Variants in AGK observed in about 807,000 individuals in gnomAD.
AGK encodes acylglycerol kinase.
A neutral mutation model predicts 66.4 loss-of-function variants in AGK; 52 were observed. The ratio of observed to expected loss-of-function variants is 0.78; its 90% CI spans 0.63 to 0.99. The LOEUF (loss-of-function observed/expected upper bound fraction) is 0.99, where lower values mean the gene tolerates loss of function less well. AGK is among the 50% of genes least tolerant of loss of function. AGK has a pLI of 0.00. For missense variants in AGK, 451 were observed against 506.6 expected, an observed-to-expected ratio of 0.89 and a Z score of 1.05; for synonymous variants, 182 against 181.1, an observed-to-expected ratio of 1.00 and a Z score of -0.04.
intron 9 of AGK, among the ~76,000 whole-genome samples, chr7:141,633,519 A>G (rs1797103043): frequency 6.6e-6 from 1 of 152,210 alleles, no homozygotes; most frequent in African/African-American, 2.4e-5. Flanking sequence ...TCTTGATCCT[A>G]TAAGGAAAAT....
chr7:141,562,009 T>C (rs765240703), intron 2 of AGK: 18 of 455,860 alleles, frequency 3.9e-5, no homozygotes, highest in Middle Eastern at 7.2e-4. Flanking sequence ...TCCTGTGATG[T>C]AATCCATATT....
chr7:141,604,409 T>TAC (rs1483760078), intron 5 of AGK, among the ~76,000 whole-genome samples: 2 of 138,734 alleles, frequency 1.4e-5, no homozygotes, highest in Non-Finnish European at 3.1e-5. Flanking sequence ...TATATACACA[T>TAC]ACATACACAC....
At chr7:141,615,720 TG>T (rs1796688947) in intron 8 of AGK, 155 bp downstream of exon 8, 1 of 648,688 alleles carries the variant, frequency 1.5e-6, no homozygotes, top group East Asian at 2.7e-5. Flanking sequence ...TTCAGTTCAT[TG>T]GGAAGTCTCC....
At chr7:141,581,569 A>G (rs1795881592) in intron 2 of AGK, among the ~76,000 whole-genome samples, 1 of 151,912 alleles carries the variant, frequency 6.6e-6, no homozygotes, top group Non-Finnish European at 1.5e-5. Context: ...GTGGGATGGG[A>G]TACTGGCATT....
chr7:141,568,962 T>G (rs1432600297), intron 2 of AGK, among the ~76,000 whole-genome samples: 1 of 152,184 alleles, frequency 6.6e-6, no homozygotes, highest in Non-Finnish European at 1.5e-5. Context: ...ACAGACACCA[T>G]AAATTCCTTG....
At position 141,598,640 on chromosome 7, in the gene AGK, G is replaced by A. The variant is rs1796276612; in HGVS notation, c.221+1999G>A. The stretch of plus-strand genomic sequence containing the variant: ...TTCCATTTCATAATAAGCACACAAT[G>A]TAAGAAATATAAACTGCTGAAATTG... On this transcript the variant is annotated intron_variant, in intron 4 of 15. Coordinates refer to ENST00000649286, the MANE Select transcript of AGK (RefSeq NM_018238.4). This position sits in a 1 kb window ranked among gnomAD's most constrained non-coding sequence, Gnocchi z 4.2. Among the ~76,000 whole-genome samples, 3 of 152,150 alleles carry A rather than the reference G, an allele frequency of 2.0e-5. No homozygotes were observed. The highest frequency in any genetic ancestry group is 7.2e-5 in the African/African-American group (3 of 41,442).
intron 13 of AGK, among the ~76,000 whole-genome samples, chr7:141,643,374 G>A (rs1797332391): frequency 6.6e-6 from 1 of 152,038 alleles, no homozygotes; most frequent in African/African-American, 2.4e-5. Context: ...AAAGTATTAG[G>A]GTAAAATCTA....
intron 2 of AGK, among the ~76,000 whole-genome samples, chr7:141,570,857 C>G (rs910302228): frequency 1.3e-5 from 2 of 151,936 alleles, no homozygotes; most frequent in Non-Finnish European, 2.9e-5. Context: ...ACATTTTGTT[C>G]AAATCAGTAT....
chr7:141,604,884 T>G (rs983187175), intron 5 of AGK, among the ~76,000 whole-genome samples: 4 of 152,138 alleles, frequency 2.6e-5, no homozygotes, highest in Admixed American at 6.6e-5. Flanking sequence ...AAAAACACTT[T>G]TTCTTGTTCT....
At chr7:141,575,308 C>G (rs1318704570) in intron 2 of AGK, among the ~76,000 whole-genome samples, 1 of 152,166 alleles carries the variant, frequency 6.6e-6, no homozygotes, top group African/African-American at 2.4e-5. Flanking sequence ...TCCAAGTGGG[C>G]AAATCACCAG....
chr7:141,576,442 G>A (rs1042224654), intron 2 of AGK, among the ~76,000 whole-genome samples: 8 of 151,664 alleles, frequency 5.3e-5, no homozygotes, highest in Non-Finnish European at 8.8e-5. Context: ...GAGTGGCAGG[G>A]TGAGTAGTTT....
intron 8 of AGK, 62 bp downstream of exon 8, chr7:141,615,627 A>T (rs1796687279): frequency 7.9e-7 from 1 of 1,273,194 alleles, no homozygotes; most frequent in Non-Finnish European, 1.1e-6. Context: ...TGAAAAATTT[A>T]TGTGTATGCT....
chr7:141,627,577 C>T (rs1297338625), intron 9 of AGK, among the ~76,000 whole-genome samples: 2 of 152,142 alleles, frequency 1.3e-5, no homozygotes, highest in Admixed American at 1.3e-4. Context: ...TCTTCTCGTG[C>T]ACTGATGTCT....
intron 2 of AGK, among the ~76,000 whole-genome samples, chr7:141,591,659 TA>T (rs148157463): frequency 0.011 from 1,711 of 152,316 alleles, 15 homozygotes; most frequent in Non-Finnish European, 0.016. Context: ...TTCAATGTTA[TA>T]AAAAAAGTCT....
chr7:141,604,403 T>TATATATATATATATACAC (rs1301537652), intron 5 of AGK, among the ~76,000 whole-genome samples: 2 of 141,506 alleles, frequency 1.4e-5, no homozygotes, highest in Admixed American at 7.1e-5. Context: ...TATATATATA[T>TATATATATATATATACAC]ACACATACAT....
intron 11 of AGK, among the ~76,000 whole-genome samples, chr7:141,637,460 G>A (rs992972905): frequency 3.3e-5 from 5 of 152,032 alleles, no homozygotes; most frequent in South Asian, 2.1e-4. Flanking sequence ...AAATATGGGC[G>A]GTGGTTACTG....
chr7:141,618,953 A>G (rs959782582), intron 8 of AGK, among the ~76,000 whole-genome samples: 2 of 152,158 alleles, frequency 1.3e-5, no homozygotes, highest in Non-Finnish European at 2.9e-5. Flanking sequence ...ACACTGATAT[A>G]CCTTTACAAA....
Position 141,586,337 on chromosome 7 carries a change from C to T in AGK, c.102-6809C>T, listed in dbSNP as rs146770371. Among the ~76,000 whole-genome samples the T allele has an allele frequency of 4.7e-3, 722 of 152,260 alleles. 4 individuals carry two copies. The highest frequency in any genetic ancestry group is 7.6e-3 in the Admixed American group (116 of 15,298). On this transcript the variant is annotated intron_variant, in intron 2 of 15. Coordinates refer to ENST00000649286, the MANE Select transcript of AGK (RefSeq NM_018238.4). Reference sequence around the variant, plus strand: ...GGTGATTATCACATTGGAGAAACATCCCCGCTCATCTGTGCTTTCAGAATG... The same window carrying T: ...GGTGATTATCACATTGGAGAAACATTCCCGCTCATCTGTGCTTTCAGAATG...
intron 14 of AGK, 26 bp from the exon 15 acceptor site, chr7:141,651,499 A>C: frequency 6.2e-7 from 1 of 1,611,874 alleles, no homozygotes; most frequent in Non-Finnish European, 8.5e-7. Flanking sequence ...CACTGGTCTT[A>C]AGCTTGCTTT....
Sources: gnomAD v4.1 joint callset for allele counts (sites outside exome capture counted in the v4.1 genomes callset) on GRCh38, gnomAD v4.1.1 for gene constraint, Gnocchi (gnomAD v3.1) non-coding constraint, MANE v1.5 for transcripts, NCBI Gene and HGNC (gene_info 2026-07-23, HGNC 2026-07-21) for gene names.